POMK: variants seen among roughly 807,000 people sequenced by gnomAD.
The protein encoded by POMK is Sugen kinase 196.
POMK carries 19 observed loss-of-function variants against 23.0 expected under a neutral mutation model. The observed-to-expected ratio is 0.83, with a 90% CI of 0.58 to 1.21. The LOEUF (loss-of-function observed/expected upper bound fraction) is 1.21. POMK is among the 50% of genes most tolerant of loss of function. The pLI, the probability that POMK is intolerant of heterozygous loss-of-function variation, is 0.00. For synonymous variants in POMK, 173 were observed against 171.6 expected, an observed-to-expected ratio of 1.01 and a Z score of -0.06; for missense variants, 410 against 431.3, an observed-to-expected ratio of 0.95 and a Z score of 0.44.
intron 4 of POMK, among the ~76,000 whole-genome samples, chr8:43,119,044 C>T (rs35237614): frequency 6.6e-6 from 1 of 152,152 alleles, no homozygotes; most frequent in East Asian, 1.9e-4. Flanking sequence ...ATCTCCTGAC[C>T]TCGTGATCCA....
intron 4 of POMK, among the ~76,000 whole-genome samples, chr8:43,115,775 C>T (rs540755938): frequency 6.6e-6 from 1 of 152,348 alleles, no homozygotes; most frequent in South Asian, 2.1e-4. Flanking sequence ...CTTTGGTGCT[C>T]TCTGTCTCAT....
chr8:43,103,509 G>C lies in POMK; in HGVS notation c.-21-19G>C. 1.9e-6 allele frequency: 3 copies of C among 1,608,842 alleles called. No individual in the cohort carries two copies. Among genetic ancestry groups the C allele is most frequent in the Non-Finnish European group, 2.6e-6 (3 of 1,176,358 alleles). On this transcript the variant is annotated intron_variant, in intron 3 of 4. Coordinates refer to ENST00000331373, the MANE Select transcript of POMK (RefSeq NM_032237.5). ...TGAAAGCTGACTGTCATGACTTCTT[G>C]TTTCATTGTGTATTTTAGGAAATTG...
At chr8:43,094,302 G>A (rs933815499) in intron 1 of POMK, among the ~76,000 whole-genome samples, 1 of 152,136 alleles carries the variant, frequency 6.6e-6, no homozygotes, top group African/African-American at 2.4e-5. Flanking sequence ...CTCCCAAAGT[G>A]CTGGGATTAC....
intron 4 of POMK, among the ~76,000 whole-genome samples, chr8:43,109,873 T>A (rs1172911113): frequency 6.6e-6 from 1 of 152,366 alleles, no homozygotes; most frequent in South Asian, 2.1e-4. Flanking sequence ...GAATCTTTTA[T>A]AACCCTTTAC....
intron 4 of POMK, among the ~76,000 whole-genome samples, chr8:43,113,233 CACTT>C (rs1370923744): frequency 1.3e-5 from 2 of 152,210 alleles, no homozygotes; most frequent in Non-Finnish European, 2.9e-5. Flanking sequence ...TTCTCCCCAT[CACTT>C]TCAGGTACAC....
At chr8:43,116,438 CT>C (rs777613613) in intron 4 of POMK, among the ~76,000 whole-genome samples, 10 of 148,090 alleles carry the variant, frequency 6.8e-5, no homozygotes, top group Admixed American at 6.8e-5. Context: ...CTAATTAAAA[CT>C]TTTTTTTTTT....
intron 1 of POMK, among the ~76,000 whole-genome samples, chr8:43,096,085 G>A (rs141452004): frequency 2.8e-3 from 419 of 152,314 alleles, no homozygotes; most frequent in Non-Finnish European, 4.3e-3. Context: ...CGTCTTTGCC[G>A]AGTACCCGCT....
chr8:43,107,871 C>T (rs906131377), intron 4 of POMK, among the ~76,000 whole-genome samples: 27 of 152,020 alleles, frequency 1.8e-4, no homozygotes, highest in African/African-American at 3.6e-4. Flanking sequence ...TTAGTAAAGA[C>T]GGGGTTTCAC....
intron 4 of POMK, among the ~76,000 whole-genome samples, chr8:43,110,013 T>C (rs1352183554): frequency 2.0e-5 from 3 of 152,238 alleles, no homozygotes; most frequent in African/African-American, 7.2e-5. Flanking sequence ...ACACAGAATC[T>C]CTTACAATTA....
chr8:43,121,424 G>T (rs900317082), intron 4 of POMK, among the ~76,000 whole-genome samples: 5 of 152,224 alleles, frequency 3.3e-5, no homozygotes, highest in Non-Finnish European at 5.9e-5. Flanking sequence ...CTATGAGAAG[G>T]TCTAGTGTTT....
At chr8:43,103,390 T>G (rs1811481416) in intron 3 of POMK, 138 bp from the exon 4 acceptor site, 1 of 764,436 alleles carries the variant, frequency 1.3e-6, no homozygotes, top group African/African-American at 1.7e-5. Context: ...AGCCTGGTGT[T>G]CGATACCTGC....
intron 4 of POMK, among the ~76,000 whole-genome samples, chr8:43,115,897 G>C (rs1196805450): frequency 2.6e-5 from 4 of 152,192 alleles, no homozygotes; most frequent in Non-Finnish European, 4.4e-5. Context: ...TCAGAGCCAT[G>C]CTGTTCTGGA....
intron 1 of POMK, among the ~76,000 whole-genome samples, chr8:43,093,789 A>G (rs1388153136): frequency 6.6e-6 from 1 of 152,236 alleles, no homozygotes. Flanking sequence ...CGGGACGTTA[A>G]AGAACCAGAG....
At chr8:43,103,973 C>T in intron 4 of POMK, 143 bp downstream of exon 4, 1 of 849,362 alleles carries the variant, frequency 1.2e-6, no homozygotes, top group East Asian at 2.7e-5. Flanking sequence ...ATGTGCACCA[C>T]ATTTGCTTTG....
intron 4 of POMK, among the ~76,000 whole-genome samples, chr8:43,106,247 A>G (rs1046292068): frequency 6.6e-5 from 10 of 152,282 alleles, no homozygotes; most frequent in Admixed American, 1.3e-4. Flanking sequence ...GATGATTAGT[A>G]ACATTGAGCA....
At position 43,103,830 on chromosome 8, in the gene POMK, A is replaced by G. The variant is rs1586671853; in HGVS notation, c.282A>G (p.Arg94=). The change falls in exon 4 of 5, where the codon AGA becomes AGG. Residue 94 remains arginine (R), a splice_region_variant and synonymous_variant. Transcript: ENST00000331373. The stretch of plus-strand genomic sequence containing the variant: ...GTGTTGGGGAAGGAGCTGTAAAGAG[A>G]GTGAGTCCGGGTTCATTTGCGATTG... ...LKRVGEGAVK[R]VFLSEWKEHK... is the part of the protein sequence containing the mutation. 6.2e-7 allele frequency: 1 copy of G among 1,614,002 alleles called. No individual in the cohort carries two copies. Among genetic ancestry groups the G allele is most frequent in the Non-Finnish European group, 8.5e-7 (1 of 1,179,876 alleles).
At chr8:43,114,349 C>T (rs190112797) in intron 4 of POMK, among the ~76,000 whole-genome samples, 2,307 of 152,328 alleles carry the variant, frequency 0.015, 32 homozygotes, top group Non-Finnish European at 0.022. Context: ...TGCGGCCTTG[C>T]AGTTTGATCT....
chr8:43,116,896 G>C (rs1438525112), intron 4 of POMK, among the ~76,000 whole-genome samples: 1 of 152,188 alleles, frequency 6.6e-6, no homozygotes, highest in Admixed American at 6.5e-5. Context: ...AGTCCGAAAA[G>C]AGAGTCAGCC....
rs760306023 is a variant in POMK, at chr8:43,103,667, A to C, written c.119A>C (p.His40Pro). Reference sequence around the variant, plus strand: ...ACTCTGCTCTACCTCTGCCTCGACCACTTCTTCATCGCTCCTCGACAATCC... The same window carrying C: ...ACTCTGCTCTACCTCTGCCTCGACCCCTTCTTCATCGCTCCTCGACAATCC... The part of the protein sequence containing the change: ...MNTLLYLCLD[H>P]FFIAPRQSTV... Residue 40 changes from histidine (H) to proline (P), a missense_variant, in exon 4 of 5, where the codon CAC becomes CCC. Transcript: ENST00000331373. 1.2e-6 allele frequency: 2 copies of C among 1,613,794 alleles called. No homozygotes were observed. Among genetic ancestry groups the C allele is most frequent in the African/African-American group, 1.3e-5 (1 of 74,808 alleles).
Sources: allele counts gnomAD v4.1 joint callset (sites outside exome capture counted in the v4.1 genomes callset), GRCh38; gene constraint gnomAD v4.1.1; transcripts MANE v1.5; gene names NCBI Gene and HGNC (gene_info 2026-07-23, HGNC 2026-07-21).